The following CHRNB4 variants were observed in gnomAD, a reference collection of about 807,000 sequenced individuals.
CHRNB4 encodes cholinergic receptor nicotinic beta 4 subunit, also known as neuronal acetylcholine receptor subunit beta-4.
Under a neutral mutation model 40.4 loss-of-function variants are expected in CHRNB4, and 23 were observed. The ratio of observed to expected loss-of-function variants is 0.57; its 90% CI spans 0.41 to 0.81. The LOEUF (loss-of-function observed/expected upper bound fraction) is 0.81, where lower values mean the gene tolerates loss of function less well. Among genes scored for constraint, CHRNB4 ranks in the 30% least tolerant of loss-of-function variants. The probability of loss-of-function intolerance (pLI) is 0.00; values close to 1 mark genes in which losing one functional copy is unlikely to be tolerated. For missense variants in CHRNB4, 568 were observed against 670.6 expected, an observed-to-expected ratio of 0.85 and a Z score of 1.69; for synonymous variants, 285 against 274.4, an observed-to-expected ratio of 1.04 and a Z score of -0.38.
chr15:78,632,580 G>C (rs1376677884), intron 2 of CHRNB4, among the ~76,000 whole-genome samples: 1 of 151,892 alleles, frequency 6.6e-6, no homozygotes, highest in African/African-American at 2.4e-5. Context: ...CAAAGTGCTG[G>C]CATTACAGGT....
intron 5 of CHRNB4, chr15:78,626,188 G>A (rs1192076153): frequency 6.6e-6 from 1 of 152,162 alleles, no homozygotes; most frequent in Non-Finnish European, 1.5e-5. Flanking sequence ...TGTACCTAAC[G>A]TGCAGGCTAA....
intron 1 of CHRNB4, among the ~76,000 whole-genome samples, chr15:78,639,957 C>A (rs1164830093): frequency 6.6e-6 from 1 of 152,216 alleles, no homozygotes; most frequent in African/African-American, 2.4e-5. Context: ...CCTGCAGACA[C>A]CATCTTTGAT....
chr15:78,627,825 C>T (rs2053693133), intron 5 of CHRNB4: 1 of 152,194 alleles, frequency 6.6e-6, no homozygotes, highest in Non-Finnish European at 1.5e-5. Context: ...GACTCCAGCA[C>T]TCATTGCTTT....
At chr15:78,653,450 A>T (rs908210847) in intron 5 of CHRNB4, among the ~76,000 whole-genome samples, 2 of 152,024 alleles carry the variant, frequency 1.3e-5, no homozygotes, top group African/African-American at 2.4e-5. Context: ...TCCATATTTG[A>T]TTCTCCATAG....
upstream of CHRNB4, among the ~76,000 whole-genome samples, chr15:78,643,326 T>C (rs1360380818): frequency 6.6e-6 from 1 of 152,140 alleles, no homozygotes; most frequent in Non-Finnish European, 1.5e-5. Flanking sequence ...CTTGGCTCAC[T>C]GCAACCTTCA....
chr15:78,638,613 G>A (rs1195393398), intron 1 of CHRNB4, among the ~76,000 whole-genome samples: 1 of 111,486 alleles, frequency 9.0e-6, no homozygotes, highest in East Asian at 2.0e-4. Flanking sequence ...ACTTGTGAGT[G>A]TATGGCCGGG....
intron 5 of CHRNB4, among the ~76,000 whole-genome samples, chr15:78,653,275 A>C (rs1367158957): frequency 6.6e-6 from 1 of 152,170 alleles, no homozygotes; most frequent in Non-Finnish European, 1.5e-5. Flanking sequence ...AAGCTGTTTC[A>C]AATTCTGGCT....
rs776866735 is a variant in CHRNB4 at position 78,629,033 on chromosome 15, C to T, written c.1272G>A (p.Val424=). The part of the protein sequence containing the change: ...LRSSGRFRQD[V]QEALEGVSFI... ...AGCTGACACCTTCTAATGCCTCCTG[C>T]ACATCCTGTCGGAACCTCCCAGAGG... is the stretch of plus-strand genomic sequence containing the variant. Residue 424 remains valine, a synonymous_variant, in exon 5 of 6, where the codon GTG becomes GTA. Transcript: ENST00000261751. The surrounding 1 kb of genome is among the most constrained non-coding windows in gnomAD (Gnocchi z 6.8). 7.4e-6 allele frequency: 12 copies of T among 1,614,206 alleles called. No homozygotes were observed. Among genetic ancestry groups the T allele is most frequent in the East Asian group, 4.5e-5 (2 of 44,878 alleles).
At chr15:78,661,217 G>T (rs1219990427), upstream of CHRNB4, 31 of 609,664 alleles carry the variant, frequency 5.1e-5, no homozygotes, top group Non-Finnish European at 9.9e-5. Context: ...CTGCCCTTGG[G>T]GGAGTCCAGG....
chr15:78,643,871 C>G (rs977648455), upstream of CHRNB4, among the ~76,000 whole-genome samples: 2 of 151,798 alleles, frequency 1.3e-5, no homozygotes, highest in Non-Finnish European at 2.9e-5. Flanking sequence ...GATTCTAGGC[C>G]GGGCACGGTG....
chr15:78,628,115 G>A (rs1289017156), intron 5 of CHRNB4: 3 of 152,154 alleles, frequency 2.0e-5, no homozygotes, highest in Non-Finnish European at 4.4e-5. Context: ...GCAGTGAGCC[G>A]AGATTGTGCC....
chr15:78,657,538 T>G (rs1770543458), intron 2 of CHRNB4, among the ~76,000 whole-genome samples: 1 of 152,130 alleles, frequency 6.6e-6, no homozygotes, highest in East Asian at 1.9e-4. Context: ...GTTCCCATAA[T>G]GCTAGAGGCA....
upstream of CHRNB4, among the ~76,000 whole-genome samples, chr15:78,645,273 CT>C (rs1313557809): frequency 6.6e-6 from 1 of 152,160 alleles, no homozygotes; most frequent in Non-Finnish European, 1.5e-5. Flanking sequence ...CTTGACTTGC[CT>C]TTCTCTTGGA....
intron 1 of CHRNB4, among the ~76,000 whole-genome samples, chr15:78,659,872 T>C (rs939573172): frequency 1.3e-5 from 2 of 152,166 alleles, no homozygotes; most frequent in Non-Finnish European, 2.9e-5. Context: ...AGGGGTTCAA[T>C]GTGGGAGCAG....
intron 7 of CHRNB4, among the ~76,000 whole-genome samples, chr15:78,647,527 A>C (rs1265307444): frequency 6.6e-6 from 1 of 151,852 alleles, no homozygotes; most frequent in Non-Finnish European, 1.5e-5. Flanking sequence ...CCTATACATC[A>C]ATAACAACAG....
At chr15:78,639,123 A>C (rs1266371920) in intron 1 of CHRNB4, among the ~76,000 whole-genome samples, 1 of 152,220 alleles carries the variant, frequency 6.6e-6, no homozygotes, top group Non-Finnish European at 1.5e-5. Flanking sequence ...ATTTGTATTG[A>C]AAAAATGGAA....
intron 6 of CHRNB4, among the ~76,000 whole-genome samples, chr15:78,650,369 ATCTCATGG>A (rs2054162432): frequency 6.6e-6 from 1 of 152,142 alleles, no homozygotes; most frequent in Admixed American, 6.5e-5. Flanking sequence ...GAGATGATAG[ATCTCATGG>A]TGTCCAAGGA....
At chr15:78,651,524 G>T (rs2090431881) in intron 6 of CHRNB4, among the ~76,000 whole-genome samples, 1 of 152,188 alleles carries the variant, frequency 6.6e-6, no homozygotes, top group South Asian at 2.1e-4. Context: ...TGCCCTTGGT[G>T]GTCCCACCAG....
At chr15:78,647,656 C>G (rs1258942129) in intron 7 of CHRNB4, among the ~76,000 whole-genome samples, 2 of 142,424 alleles carry the variant, frequency 1.4e-5, no homozygotes, top group East Asian at 2.1e-4. Context: ...ACCATCCTGG[C>G]TAACATGGTG....
Sources: allele counts gnomAD v4.1 joint callset (sites outside exome capture counted in the v4.1 genomes callset), GRCh38; gene constraint gnomAD v4.1.1; non-coding constraint Gnocchi (gnomAD v3.1); transcripts MANE v1.5; gene names NCBI Gene and HGNC (gene_info 2026-07-23, HGNC 2026-07-21).